Variants in ACOXL observed in about 807,000 individuals in gnomAD.
ACOXL encodes acyl-coenzyme A oxidase-like protein.
A neutral mutation model predicts 71.9 loss-of-function variants in ACOXL; 70 were observed. That is an observed-to-expected ratio of 0.97 (90% CI 0.80 to 1.19). ACOXL has a LOEUF of 1.19. ACOXL is among the 50% of genes most tolerant of loss of function. The pLI, the probability that ACOXL is intolerant of heterozygous loss-of-function variation, is 0.00. For missense variants in ACOXL, 703 were observed against 736.3 expected, an observed-to-expected ratio of 0.95 and a Z score of 0.52; for synonymous variants, 253 against 281.6, an observed-to-expected ratio of 0.90 and a Z score of 1.02.
chr2:110,912,812 A>G lies in ACOXL; in HGVS notation c.905+3907A>G, dbSNP rs915696618. On this transcript the variant is annotated intron_variant, in intron 11 of 17. Transcript: ENST00000439055. ...AAAAAGTCACCATCAAGAAAGTGAA[A>G]GACAATCCACAGAATAGGAGAAAGT... 2.0e-5 allele frequency among the ~76,000 whole-genome samples: 3 copies of G among 152,212 alleles called. No individual in the cohort carries two copies. In the East Asian group the frequency reaches 5.8e-4, roughly 29 times the overall value.
chr2:111,078,548 G>T (rs1044730540), intron 16 of ACOXL, among the ~76,000 whole-genome samples: 4 of 152,178 alleles, frequency 2.6e-5, no homozygotes, highest in Non-Finnish European at 4.4e-5. Context: ...ACAGGTGTGA[G>T]CCACCACACC....
chr2:111,069,759 A>G (rs764161496), intron 16 of ACOXL, among the ~76,000 whole-genome samples: 19 of 152,290 alleles, frequency 1.2e-4, no homozygotes, highest in Non-Finnish European at 8.8e-5. Flanking sequence ...ATGCTCCTCC[A>G]TGAATCACCT....
chr2:110,856,106 CTCTT>C (rs1434929116), intron 10 of ACOXL, among the ~76,000 whole-genome samples: 4 of 152,082 alleles, frequency 2.6e-5, no homozygotes, highest in African/African-American at 9.7e-5. Flanking sequence ...TTTTACAATC[CTCTT>C]GCTAGCTACA....
intron 13 of ACOXL, 27 bp from the exon 14 acceptor site, chr2:110,995,866 A>G (rs375492773): frequency 4.4e-6 from 7 of 1,574,162 alleles, no homozygotes; most frequent in Non-Finnish European, 6.1e-6. Flanking sequence ...CAAAATAATA[A>G]TGATGGTCAC....
intron 15 of ACOXL, among the ~76,000 whole-genome samples, chr2:111,036,207 G>A (rs1041485264): frequency 6.6e-6 from 1 of 152,198 alleles, no homozygotes; most frequent in African/African-American, 2.4e-5. Context: ...GGGGAAGAGT[G>A]GGAGGACCAG....
intron 2 of ACOXL, among the ~76,000 whole-genome samples, chr2:110,774,012 T>G (rs1682320003): frequency 6.6e-6 from 1 of 152,324 alleles, no homozygotes; most frequent in South Asian, 2.1e-4. Flanking sequence ...GTGCTATTTG[T>G]TTTTTGACAC....
chr2:110,922,329 C>G (rs1289330737), intron 11 of ACOXL, among the ~76,000 whole-genome samples: 1 of 152,130 alleles, frequency 6.6e-6, no homozygotes, highest in African/African-American at 2.4e-5. Flanking sequence ...TAAATTGGAT[C>G]AAAATAACTT....
chr2:111,053,596 C>A (rs1008757688), intron 16 of ACOXL, among the ~76,000 whole-genome samples: 2 of 152,190 alleles, frequency 1.3e-5, no homozygotes, highest in South Asian at 4.1e-4. Flanking sequence ...GGATTGTCCC[C>A]TCTTAAAAAT....
At chr2:111,027,402 A>C (rs1016716596) in intron 14 of ACOXL, among the ~76,000 whole-genome samples, 7 of 151,032 alleles carry the variant, frequency 4.6e-5, no homozygotes, top group Non-Finnish European at 1.0e-4. Context: ...GCTCACTACA[A>C]CCTCCACCTC....
At chr2:111,087,369 A>G (rs1471361758) in intron 16 of ACOXL, among the ~76,000 whole-genome samples, 1 of 152,238 alleles carries the variant, frequency 6.6e-6, no homozygotes, top group Non-Finnish European at 1.5e-5. Flanking sequence ...AAAGGAACAA[A>G]GTTGGAGGCA....
intron 16 of ACOXL, among the ~76,000 whole-genome samples, chr2:111,058,879 G>T (rs1052673936): frequency 6.6e-6 from 1 of 152,094 alleles, no homozygotes; most frequent in African/African-American, 2.4e-5. Context: ...CCTCTTCTTG[G>T]GTCTCCTGAT....
intron 17 of ACOXL, chr2:111,093,759 G>C: frequency 2.4e-6 from 1 of 422,756 alleles, no homozygotes; most frequent in Non-Finnish European, 4.2e-6. Context: ...AGCTACTCGG[G>C]AGGCTGAGGC....
chr2:110,767,329 G>A (rs1426086037), intron 1 of ACOXL, among the ~76,000 whole-genome samples: 1 of 152,238 alleles, frequency 6.6e-6, no homozygotes, highest in Non-Finnish European at 1.5e-5. Context: ...AGAAGCGTAA[G>A]TGGGAGGGAG....
At chr2:111,034,940 C>T (rs549144272) in intron 15 of ACOXL, among the ~76,000 whole-genome samples, 9 of 141,792 alleles carry the variant, frequency 6.3e-5, no homozygotes, top group South Asian at 4.8e-4. Context: ...TTTTTTTTGA[C>T]GGAGTCTCGC....
intron 2 of ACOXL, among the ~76,000 whole-genome samples, chr2:110,774,215 C>T (rs762189766): frequency 1.4e-4 from 22 of 151,944 alleles, no homozygotes; most frequent in Non-Finnish European, 2.5e-4. Flanking sequence ...AGGCATTGCT[C>T]AAGGGGCAGT....
intron 10 of ACOXL, among the ~76,000 whole-genome samples, chr2:110,879,025 C>T (rs1373757168): frequency 1.3e-5 from 2 of 151,348 alleles, no homozygotes; most frequent in African/African-American, 2.4e-5. Context: ...CCACTACCCT[C>T]CAGCCTGGGC....
At chr2:110,825,404 T>C (rs1689056240) in intron 9 of ACOXL, among the ~76,000 whole-genome samples, 1 of 152,144 alleles carries the variant, frequency 6.6e-6, no homozygotes, top group Non-Finnish European at 1.5e-5. Context: ...ATCTATCTGC[T>C]TGGTTCTACT....
In ACOXL at chr2:110,987,130, C is replaced by T. The variant is rs1413610955; in HGVS notation, c.1082C>T (p.Ala361Val). Residue 361 changes from alanine (A) to valine (V), a missense_variant, in exon 13 of 18, where the codon GCC becomes GTC. Coordinates refer to ENST00000439055, the MANE Select transcript of ACOXL (RefSeq NM_001142807.4). ...GGMVVGRELL[A>V]QYTKQYEEKP... Reference sequence around the variant, plus strand: ...CAGGTTGTGGGGCGGGAACTGCTGGCCCAATACACCAAACAGTATGAAGAA... The same window carrying T: ...CAGGTTGTGGGGCGGGAACTGCTGGTCCAATACACCAAACAGTATGAAGAA... 5 of 1,572,572 alleles carry T rather than the reference C, an allele frequency of 3.2e-6. No individual in the cohort carries two copies. The highest frequency in any genetic ancestry group is 2.3e-5 in the South Asian group (2 of 85,940).
intron 7 of ACOXL, 60 bp from the exon 8 acceptor site, chr2:110,801,592 G>A: frequency 6.8e-7 from 1 of 1,465,608 alleles, no homozygotes; most frequent in African/African-American, 1.4e-5. Context: ...GACAGGCCTG[G>A]GAAGTAGCAG....
Sources: gnomAD v4.1 joint callset for allele counts (sites outside exome capture counted in the v4.1 genomes callset) on GRCh38, gnomAD v4.1.1 for gene constraint, MANE v1.5 for transcripts, NCBI Gene and HGNC (gene_info 2026-07-23, HGNC 2026-07-21) for gene names.